CDK8: variants seen among roughly 807,000 people sequenced by gnomAD.
CDK8 encodes the protein cyclin-dependent kinase 8.
In CDK8, 29 loss-of-function variants were observed where a neutral mutation model predicts 71.5. That is an observed-to-expected ratio of 0.41 (90% CI 0.30 to 0.55). The LOEUF (loss-of-function observed/expected upper bound fraction) is 0.55, where lower values mean the gene tolerates loss of function less well. CDK8 is among the 20% of genes least tolerant of loss of function. The probability of loss-of-function intolerance (pLI) is 0.37; values close to 1 mark genes in which losing one functional copy is unlikely to be tolerated. For synonymous variants in CDK8, 161 were observed against 192.1 expected (o/e 0.84, Z 1.34); for missense variants, 288 against 572.6 (o/e 0.50, Z 5.07).
intron 1 of CDK8, among the ~76,000 whole-genome samples, chr13:26,272,242 A>T (rs1872362429): frequency 6.6e-6 from 1 of 152,136 alleles, no homozygotes; most frequent in Admixed American, 6.5e-5. Context: ...CTGTAATCCC[A>T]ACACTTCGGG....
chr13:26,364,749 T>C (rs1874305534), intron 4 of CDK8, among the ~76,000 whole-genome samples: 1 of 152,216 alleles, frequency 6.6e-6, no homozygotes, highest in Admixed American at 6.5e-5. Flanking sequence ...AAAGGGCGAT[T>C]GTTATTTTTA....
chr13:26,339,751 A>AT (rs1246716400), intron 2 of CDK8, among the ~76,000 whole-genome samples: 7,002 of 54,614 alleles, frequency 0.13, 244 homozygotes, highest in Non-Finnish European at 0.22. Context: ...ATTACTTAAA[A>AT]AAAAAATATA....
chr13:26,400,625 T>G, intron 10 of CDK8, 75 bp downstream of exon 10: 1 of 881,564 alleles, frequency 1.1e-6, no homozygotes, highest in South Asian at 1.3e-5. Context: ...TGTCAGCTCT[T>G]AAGTTGCTCC....
chr13:26,405,078 T>TA lies in CDK8; in HGVS notation c.*998dup. ...CCTTACTTCAGCAAAGGAGAAGGAGTAGGAGAGCCTTAGAATTTTTGAGGA... is the reference window on the plus strand; with the variant it reads ...CCTTACTTCAGCAAAGGAGAAGGAGTAAGGAGAGCCTTAGAATTTTTGAGGA... On this transcript the variant is annotated 3_prime_UTR_variant, in exon 13 of 13. Coordinates refer to ENST00000381527, the MANE Select transcript of CDK8 (RefSeq NM_001260.3). 1 of 182,310 alleles carries TA rather than the reference T, an allele frequency of 5.5e-6. No individual in the cohort carries two copies. Among genetic ancestry groups the TA allele is most frequent in the East Asian group, 9.0e-5 (1 of 11,122 alleles). The allele number at this position is 182,310 out of a possible 1,614,324, so 11.3% of individuals were successfully genotyped here.
intron 4 of CDK8, among the ~76,000 whole-genome samples, chr13:26,366,412 C>T (rs888328908): frequency 3.9e-5 from 6 of 151,900 alleles, no homozygotes; most frequent in African/African-American, 1.5e-4. Context: ...TGAGAAGTTT[C>T]CTCAATATAA....
chr13:26,324,491 A>G (rs1874933919), intron 1 of CDK8, among the ~76,000 whole-genome samples: 1 of 152,176 alleles, frequency 6.6e-6, no homozygotes, highest in Admixed American at 6.5e-5. Flanking sequence ...TATAACATGA[A>G]CACTTCAGAA....
chr13:26,258,677 C>T (rs1400015338), intron 1 of CDK8, among the ~76,000 whole-genome samples: 1 of 151,938 alleles, frequency 6.6e-6, no homozygotes, highest in Non-Finnish European at 1.5e-5. Flanking sequence ...AGGGGGGTTT[C>T]AGCATATAAT....
chr13:26,266,809 C>G (rs1872040241), intron 1 of CDK8, among the ~76,000 whole-genome samples: 1 of 151,992 alleles, frequency 6.6e-6, no homozygotes, highest in Non-Finnish European at 1.5e-5. Flanking sequence ...CCTGTAGATG[C>G]CATTTATTTA....
chr13:26,335,047 CT>C (rs1480706457), intron 1 of CDK8, among the ~76,000 whole-genome samples: 1 of 152,112 alleles, frequency 6.6e-6, no homozygotes, highest in Non-Finnish European at 1.5e-5. Context: ...ATTGTTAGCT[CT>C]TTTTCTCTGG....
chr13:26,385,697 A>T (rs1044579196), intron 6 of CDK8, among the ~76,000 whole-genome samples: 1 of 152,084 alleles, frequency 6.6e-6, no homozygotes, highest in East Asian at 1.9e-4. Flanking sequence ...TGATCGCACC[A>T]CTCTACTCCA....
intron 1 of CDK8, among the ~76,000 whole-genome samples, chr13:26,270,757 A>G (rs771061256): frequency 3.0e-4 from 45 of 152,266 alleles, no homozygotes; most frequent in Non-Finnish European, 6.5e-4. Flanking sequence ...GGTTCTTTCT[A>G]CTTTTTGGTT....
intron 1 of CDK8, among the ~76,000 whole-genome samples, chr13:26,275,636 A>G (rs751781797): frequency 8.5e-5 from 13 of 152,198 alleles, no homozygotes; most frequent in Admixed American, 1.3e-4. Flanking sequence ...TTTTTTAACT[A>G]TTACAGAATT....
At chr13:26,293,034 T>C (rs1185227921) in intron 1 of CDK8, among the ~76,000 whole-genome samples, 3 of 152,188 alleles carry the variant, frequency 2.0e-5, no homozygotes, top group African/African-American at 7.2e-5. Context: ...TTCCATGGTG[T>C]AATGGCAAGC....
In CDK8 at chr13:26,317,588, G is replaced by A. The variant is rs376563157; in HGVS notation, c.129-19979G>A. On this transcript the variant is annotated intron_variant, in intron 1 of 12. Coordinates refer to ENST00000381527, the MANE Select transcript of CDK8 (RefSeq NM_001260.3). ...TTTTTAAAGATAGATATCATACAAA[G>A]TGTATTCTCCAGCCACAATGGGGTA... Among the ~76,000 whole-genome samples the A allele has an allele frequency of 2.3e-4, 35 of 152,242 alleles. No homozygotes were observed. In the East Asian group the frequency reaches 4.8e-3, roughly 21 times the overall value.
At chr13:26,346,170 C>T (rs1187980048) in intron 2 of CDK8, among the ~76,000 whole-genome samples, 1 of 152,174 alleles carries the variant, frequency 6.6e-6, no homozygotes, top group Non-Finnish European at 1.5e-5. Context: ...ACCCCTTAAA[C>T]CCCTGTTTTC....
intron 1 of CDK8, among the ~76,000 whole-genome samples, chr13:26,302,283 T>C (rs571869399): frequency 2.0e-5 from 3 of 152,368 alleles, no homozygotes; most frequent in Non-Finnish European, 2.9e-5. Flanking sequence ...CCAAAACTTA[T>C]AACATCTATA....
chr13:26,343,740 T>C (rs1873342619), intron 2 of CDK8, among the ~76,000 whole-genome samples: 4 of 152,180 alleles, frequency 2.6e-5, no homozygotes, highest in Admixed American at 2.0e-4. Flanking sequence ...ATAAAACATA[T>C]TTTACTTTCT....
At chr13:26,372,132 A>G (rs1194898590) in intron 4 of CDK8, among the ~76,000 whole-genome samples, 1 of 152,186 alleles carries the variant, frequency 6.6e-6, no homozygotes, top group Admixed American at 6.5e-5. Context: ...AGTATTGACA[A>G]AGACACAAGT....
At chr13:26,361,885 C>T (rs868363933) in intron 4 of CDK8, among the ~76,000 whole-genome samples, 16 of 140,614 alleles carry the variant, frequency 1.1e-4, no homozygotes, top group Admixed American at 1.6e-4. Flanking sequence ...CTGCCTCAGC[C>T]TTCCAAAGTG....
Sources: allele counts gnomAD v4.1 joint callset (sites outside exome capture counted in the v4.1 genomes callset), GRCh38; gene constraint gnomAD v4.1.1; transcripts MANE v1.5; gene names NCBI Gene and HGNC (gene_info 2026-07-23, HGNC 2026-07-21).